Variants in PLEKHH3 observed in about 807,000 individuals in gnomAD.
PLEKHH3 encodes the protein pleckstrin homology domain-containing family H member 3.
In PLEKHH3, 57 loss-of-function variants were observed where a neutral mutation model predicts 77.8. That is an observed-to-expected ratio of 0.73 (90% CI 0.59 to 0.91). PLEKHH3 has a LOEUF of 0.91. Ranked by LOEUF, PLEKHH3 falls within the 40% of genes least tolerant of loss-of-function variation. The pLI is 0.00. For synonymous variants in PLEKHH3, 467 were observed against 504.8 expected, an observed-to-expected ratio of 0.93 and a Z score of 1.00; for missense variants, 1,082 against 1,091.2, an observed-to-expected ratio of 0.99 and a Z score of 0.12.
Position 42,671,768 on chromosome 17 carries a change from C to T in PLEKHH3, c.1077-210G>A, listed in dbSNP as rs993038832. Among the ~76,000 whole-genome samples, 2 of 152,210 alleles carry T rather than the reference C, an allele frequency of 1.3e-5. No homozygotes were observed. The highest frequency in any genetic ancestry group is 4.8e-5 in the African/African-American group (2 of 41,444). ...CCTGGCAGCTTTCTCCCAACTGCCT[C>T]CACCACTTCCAAAAGTCTTCGTGAT... is the stretch of plus-strand genomic sequence containing the variant. On this transcript the variant is annotated intron_variant, in intron 7 of 12. Coordinates refer to ENST00000591022, the MANE Select transcript of PLEKHH3 (RefSeq NM_024927.5). This position sits in a 1 kb window ranked among gnomAD's most constrained non-coding sequence, Gnocchi z 4.7.
At chr17:42,674,767 C>G (rs963475804) in intron 1 of PLEKHH3, 1 of 249,388 alleles carries the variant, frequency 4.0e-6, no homozygotes, top group Non-Finnish European at 7.6e-6. Context: ...AGTCTCTTCC[C>G]GTCTCCGGGC....
rs1180344367 is a variant in PLEKHH3, at chr17:42,676,851, A to C, written c.-288T>G. ...GGAGCTGGGAAGTAGTGTCCGTTGG[A>C]GTGTCCAGCCCTGTGGGGGGCAGTG... On this transcript the variant is annotated 5_prime_UTR_variant, in exon 1 of 13. Coordinates refer to ENST00000591022, the MANE Select transcript of PLEKHH3 (RefSeq NM_024927.5). The surrounding 1 kb of genome is among the most constrained non-coding windows in gnomAD (Gnocchi z 6.6). The C allele has an allele frequency of 2.1e-6, 1 of 480,456 alleles. No individual in the cohort carries two copies. The highest frequency in any genetic ancestry group is 3.8e-6 in the Non-Finnish European group (1 of 263,844). The allele number at this position is 480,456 out of a possible 1,614,324, so 29.8% of individuals were successfully genotyped here.
chr17:42,672,538 G>A lies in PLEKHH3; in HGVS notation c.770-146C>T, dbSNP rs1043842028. On this transcript the variant is annotated intron_variant, in intron 6 of 12. Transcript: ENST00000591022. ...GGAGGGTACGAACGACAGGAAGAGT[G>A]AAGGGAAAGCAGTGGTCCCACGGAG... The A allele has an allele frequency of 4.1e-6, 3 of 729,964 alleles. No homozygotes were observed. In the South Asian group the frequency reaches 5.9e-5, roughly 14 times the overall value. The allele number at this position is 729,964 out of a possible 1,614,324, so 45.2% of individuals were successfully genotyped here.
At position 42,670,615 on chromosome 17, in the gene PLEKHH3, C is replaced by A. The variant is rs758348688; in HGVS notation, c.1512G>T (p.Gly504=). Reference sequence around the variant, plus strand: ...GCAGTTCGTGACCGTCTGGGGACAGCCCCTCAGGGTGCAGAGGTCCGTGAA... The same window carrying A: ...GCAGTTCGTGACCGTCTGGGGACAGACCCTCAGGGTGCAGAGGTCCGTGAA... ...LRLHGPLHPE[G]LSPDGHELPF... is the part of the protein sequence containing the mutation. The change falls in exon 10 of 13, where the codon GGG becomes GGT. Residue 504 remains glycine, a synonymous_variant. Transcript: ENST00000591022. 7 of 1,612,614 alleles carry A rather than the reference C, an allele frequency of 4.3e-6. No homozygotes were observed. In the African/African-American group the frequency reaches 9.3e-5, roughly 22 times the overall value.
chr17:42,671,132 T>G lies in PLEKHH3; in HGVS notation c.1285-2A>C. On this transcript the variant is annotated splice_acceptor_variant, in intron 8 of 12. Coordinates refer to ENST00000591022, the MANE Select transcript of PLEKHH3 (RefSeq NM_024927.5). LOFTEE classifies it high-confidence loss of function. The surrounding 1 kb of genome is among the most constrained non-coding windows in gnomAD (Gnocchi z 4.7). Reference sequence around the variant, plus strand: ...CCGCCCCACCAGCTCTCGAGCCACCTAGAAGAGGAGGGTGAGGGGAGACCA... The same window carrying G: ...CCGCCCCACCAGCTCTCGAGCCACCGAGAAGAGGAGGGTGAGGGGAGACCA... 1 of 1,575,924 alleles carries G rather than the reference T, an allele frequency of 6.3e-7. No individual in the cohort carries two copies. The highest frequency in any genetic ancestry group is 8.6e-7 in the Non-Finnish European group (1 of 1,162,050).
At chr17:42,669,129 C>A in intron 12 of PLEKHH3, 1 of 265,416 alleles carries the variant, frequency 3.8e-6, no homozygotes, top group East Asian at 6.7e-5. Flanking sequence ...ATTCTTTCTA[C>A]CTGGAATGCT....
In PLEKHH3 at chr17:42,676,518, C is replaced by T; in HGVS notation, c.46G>A (p.Gly16Ser). 6.3e-7 allele frequency: 1 copy of T among 1,597,726 alleles called. No individual in the cohort carries two copies. Among genetic ancestry groups the T allele is most frequent in the Middle Eastern group, 1.7e-4 (1 of 6,040 alleles). ...GLWWLLCCRR[G>S]FTLLHRDYGD... Reference sequence around the variant, plus strand: ...TAGTCCCGGTGCAGAAGAGTGAAGCCTCGACGGCAGCAGAGAAGCCACCAT... The same window carrying T: ...TAGTCCCGGTGCAGAAGAGTGAAGCTTCGACGGCAGCAGAGAAGCCACCAT... Residue 16 changes from glycine to serine, a missense_variant, in exon 1 of 13, where the codon GGC (glycine) becomes AGC (serine). Around this residue, in one of 3 missense-constraint regions of PLEKHH3, gnomAD observed 344 missense variants for 320.8 expected, o/e 1.07. Coordinates refer to ENST00000591022, the MANE Select transcript of PLEKHH3 (RefSeq NM_024927.5). The surrounding 1 kb of genome is among the most constrained non-coding windows in gnomAD (Gnocchi z 6.6).
In PLEKHH3 at chr17:42,676,492, G is replaced by A. The variant is rs143300034; in HGVS notation, c.72C>T (p.Tyr24=). ...RRGFTLLHRD[Y]GDGELSGDGD... is the part of the protein sequence containing the mutation. ...CGTCCCCGCTAAGCTCGCCGTCCCC[G>A]TAGTCCCGGTGCAGAAGAGTGAAGC... Residue 24 remains tyrosine, a synonymous_variant, in exon 1 of 13, where the codon TAC becomes TAT. Transcript: ENST00000591022. This position sits in a 1 kb window ranked among gnomAD's most constrained non-coding sequence, Gnocchi z 6.6. 38 of 1,609,998 alleles carry A rather than the reference G, an allele frequency of 2.4e-5. No homozygotes were observed. The African/African-American group carries it at 3.3e-4, about 14-fold the overall frequency.
In PLEKHH3 at chr17:42,676,427, G is replaced by T; in HGVS notation, c.137C>A (p.Thr46Asn). 6.2e-7 allele frequency: 1 copy of T among 1,613,426 alleles called. No individual in the cohort carries two copies. The change falls in exon 1 of 13, where the codon ACC (threonine) becomes AAC (asparagine). Residue 46 changes from threonine to asparagine, a missense_variant. Physicochemically the swap from Thr to Asn is moderately conservative, Grantham distance 65. This residue lies in a region of PLEKHH3 where 344 missense variants were observed against 320.8 expected (regional missense o/e 1.07). Coordinates refer to ENST00000591022, the MANE Select transcript of PLEKHH3 (RefSeq NM_024927.5). This position sits in a 1 kb window ranked among gnomAD's most constrained non-coding sequence, Gnocchi z 6.6. ...CCTCCCGCCGCCCGCTGGACTCGGG[G>T]TCCGCAGCTCAAAGGTTTCCTCGTC... ...DEDEETFELR[T>N]PSPAGGGRGP...
At chr17:42,670,481 G>A in intron 10 of PLEKHH3, 92 bp downstream of exon 10, 2 of 1,523,708 alleles carry the variant, frequency 1.3e-6, no homozygotes, top group South Asian at 1.3e-5. Context: ...GCCTCCCGCG[G>A]GGCTGCCATA....
At position 42,673,453 on chromosome 17, in the gene PLEKHH3, G is replaced by T. The variant is rs1166864515; in HGVS notation, c.594C>A (p.Ile198=). 1.2e-6 allele frequency: 2 copies of T among 1,613,162 alleles called. No individual in the cohort carries two copies. The highest frequency in any genetic ancestry group is 2.2e-5 in the East Asian group (1 of 44,876). Residue 198 remains isoleucine, a synonymous_variant, in exon 5 of 13, where the codon ATC becomes ATA. Coordinates refer to ENST00000591022, the MANE Select transcript of PLEKHH3 (RefSeq NM_024927.5). Reference sequence around the variant, plus strand: ...GGGTCTCCAGGGGTGCCTTGGAGGCGATCACTTCCCGCAATGCCACCCCCC... The same window carrying T: ...GGGTCTCCAGGGGTGCCTTGGAGGCTATCACTTCCCGCAATGCCACCCCCC... ...ERWGVALREV[I]ASKAPLETPT...
At chr17:42,672,593 T>C (rs547974284) in intron 6 of PLEKHH3, among the ~76,000 whole-genome samples, 1 of 151,974 alleles carries the variant, frequency 6.6e-6, no homozygotes, top group East Asian at 1.9e-4. Flanking sequence ...CTCCCAGGAA[T>C]CCCCTTCCCA....
intron 7 of PLEKHH3, 37 bp downstream of exon 7, chr17:42,672,049 C>T: frequency 2.1e-6 from 3 of 1,437,868 alleles, no homozygotes; most frequent in Non-Finnish European, 2.8e-6. Flanking sequence ...CCGGTAGCTC[C>T]TCGCCTAGGC....
rs1469203100 is a variant in PLEKHH3 at position 42,676,652 on chromosome 17, G to C, written c.-89C>G. 7.7e-7 allele frequency: 1 copy of C among 1,299,018 alleles called. No individual in the cohort carries two copies. Among genetic ancestry groups the C allele is most frequent in the Non-Finnish European group, 1.1e-6 (1 of 933,096 alleles). The allele number at this position is 1,299,018 out of a possible 1,614,324, so 80.5% of individuals were successfully genotyped here. ...ACTGGCGGGGCTCCGACCCGAGCAGGGGAAAGATGAGGTGGGAGGAGCAGA... is the reference window on the plus strand; with the variant it reads ...ACTGGCGGGGCTCCGACCCGAGCAGCGGAAAGATGAGGTGGGAGGAGCAGA... On this transcript the variant is annotated 5_prime_UTR_variant, in exon 1 of 13. Coordinates refer to ENST00000591022, the MANE Select transcript of PLEKHH3 (RefSeq NM_024927.5). The surrounding 1 kb of genome is among the most constrained non-coding windows in gnomAD (Gnocchi z 6.6).
At chr17:42,674,500 A>T in intron 1 of PLEKHH3, 91 bp from the exon 2 acceptor site, 2 of 1,111,192 alleles carry the variant, frequency 1.8e-6, no homozygotes, top group Non-Finnish European at 2.3e-6. Context: ...TGCTCAGGGG[A>T]TTGAGGAAGG....
Position 42,668,118 on chromosome 17 carries a change from T to C in PLEKHH3, c.*9A>G. 1 of 1,418,136 alleles carries C rather than the reference T, an allele frequency of 7.1e-7. No individual in the cohort carries two copies. The highest frequency in any genetic ancestry group is 9.2e-7 in the Non-Finnish European group (1 of 1,090,384). 87.8% of individuals were successfully genotyped at this position (1,418,136 alleles called of 1,614,324 possible). On this transcript the variant is annotated 3_prime_UTR_variant, in exon 13 of 13. Transcript: ENST00000591022. ...CAGGCAGGAGGGAAGTCGTGACCTC[T>C]TGGCAGGCTCAGTCCTGCAGCTGCC...
intron 12 of PLEKHH3, 105 bp from the exon 13 acceptor site, chr17:42,668,408 A>G (rs2052603706): frequency 4.9e-6 from 5 of 1,010,474 alleles, no homozygotes; most frequent in South Asian, 2.3e-5. Flanking sequence ...CCAGGGTCCT[A>G]CGTGCTCTGG....
chr17:42,669,283 T>G, intron 12 of PLEKHH3, 147 bp downstream of exon 12: 1 of 682,400 alleles, frequency 1.5e-6, no homozygotes. Flanking sequence ...CTGACTCCAC[T>G]CTAGTGTAAG....
intron 11 of PLEKHH3, 66 bp downstream of exon 11, chr17:42,669,852 T>C (rs1431811499): frequency 1.3e-6 from 2 of 1,589,946 alleles, no homozygotes; most frequent in Admixed American, 1.8e-5. Flanking sequence ...CCGTGGGACC[T>C]GTGGCTCTGG....
Sources: gnomAD v4.1 joint callset for allele counts (sites outside exome capture counted in the v4.1 genomes callset) on GRCh38, gnomAD v4.1.1 for gene constraint, gnomAD v4.1.1 regional missense constraint, Gnocchi (gnomAD v3.1) non-coding constraint, MANE v1.5 for transcripts, NCBI Gene and HGNC (gene_info 2026-07-23, HGNC 2026-07-21) for gene names.